Variants in LRRTM4 observed in about 807,000 individuals in gnomAD.
LRRTM4 encodes leucine rich repeat transmembrane neuronal 4.
LRRTM4 carries 25 observed loss-of-function variants against 47.6 expected under a neutral mutation model. The ratio of observed to expected loss-of-function variants is 0.53; its 90% CI spans 0.38 to 0.73. LRRTM4 has a LOEUF of 0.73. Among genes scored for constraint, LRRTM4 ranks in the 30% least tolerant of loss-of-function variants. LRRTM4 has a pLI of 0.00. For synonymous variants in LRRTM4, 311 were observed against 269.5 expected (o/e 1.15, Z -1.51); for missense variants, 638 against 713.4 (o/e 0.89, Z 1.20).
At chr2:77,484,625 G>C (rs958638610) in intron 3 of LRRTM4, among the ~76,000 whole-genome samples, 1 of 152,080 alleles carries the variant, frequency 6.6e-6, no homozygotes, top group African/African-American at 2.4e-5. Context: ...TTGTTTAAAT[G>C]CATAATTATG....
intron 3 of LRRTM4, among the ~76,000 whole-genome samples, chr2:77,093,714 G>A (rs1414623042): frequency 1.3e-5 from 2 of 151,972 alleles, no homozygotes; most frequent in East Asian, 3.9e-4. Context: ...CCTGTGACTT[G>A]CACATATACG....
chr2:76,781,807 T>TC (rs1208885664), intron 3 of LRRTM4, among the ~76,000 whole-genome samples: 1 of 152,186 alleles, frequency 6.6e-6, no homozygotes, highest in African/African-American at 2.4e-5. Context: ...CTATTTTTTT[T>TC]CCTGAAGAGG....
intron 3 of LRRTM4, among the ~76,000 whole-genome samples, chr2:77,311,575 G>A (rs1436743233): frequency 6.6e-6 from 1 of 152,146 alleles, no homozygotes; most frequent in East Asian, 1.9e-4. Flanking sequence ...CAGTCAAATG[G>A]GTTAAAATTT....
intron 3 of LRRTM4, among the ~76,000 whole-genome samples, chr2:77,205,419 A>T (rs993404025): frequency 4.6e-5 from 7 of 152,302 alleles, no homozygotes; most frequent in Admixed American, 4.6e-4. Context: ...TGGCCTGAGG[A>T]CATGGCATCT....
intron 3 of LRRTM4, among the ~76,000 whole-genome samples, chr2:77,306,900 T>A (rs978152426): frequency 5.2e-5 from 7 of 134,982 alleles, no homozygotes; most frequent in African/African-American, 2.0e-4. Flanking sequence ...TTTCCATATT[T>A]TTTTTTTTTT....
At chr2:76,892,390 A>G (rs1673283157) in intron 3 of LRRTM4, among the ~76,000 whole-genome samples, 1 of 151,760 alleles carries the variant, frequency 6.6e-6, no homozygotes, top group African/African-American at 2.4e-5. Flanking sequence ...CAACATAAAT[A>G]ATTACTATTA....
At chr2:77,335,886 CT>C (rs1671144080) in intron 3 of LRRTM4, among the ~76,000 whole-genome samples, 2 of 152,074 alleles carry the variant, frequency 1.3e-5, no homozygotes, top group African/African-American at 4.8e-5. Context: ...ATATTGTAGG[CT>C]TCATGGACCA....
At chr2:76,841,277 G>C (rs1671668006) in intron 3 of LRRTM4, among the ~76,000 whole-genome samples, 1 of 151,092 alleles carries the variant, frequency 6.6e-6, no homozygotes, top group South Asian at 2.1e-4. Flanking sequence ...GACTGTTGTG[G>C]GGTGGGGGGA....
chr2:77,249,338 A>G (rs1018134830), intron 3 of LRRTM4, among the ~76,000 whole-genome samples: 3 of 152,120 alleles, frequency 2.0e-5, no homozygotes, highest in Admixed American at 2.0e-4. Flanking sequence ...TGACAATAGC[A>G]AAACTCCATC....
intron 3 of LRRTM4, among the ~76,000 whole-genome samples, chr2:77,418,847 C>T (rs999953837): frequency 6.6e-6 from 1 of 152,158 alleles, no homozygotes; most frequent in South Asian, 2.1e-4. Context: ...CATCTGTGTA[C>T]TCCTTCTCCT....
At chr2:76,963,540 T>C (rs1326592701) in intron 3 of LRRTM4, among the ~76,000 whole-genome samples, 1 of 151,002 alleles carries the variant, frequency 6.6e-6, no homozygotes, top group Non-Finnish European at 1.5e-5. Context: ...TTCAAATTAA[T>C]AAACAATGAA....
At chr2:77,066,781 A>G (rs1189425138) in intron 3 of LRRTM4, among the ~76,000 whole-genome samples, 1 of 152,260 alleles carries the variant, frequency 6.6e-6, no homozygotes, top group East Asian at 1.9e-4. Context: ...TTGACATTTT[A>G]TAAAACAGAA....
At position 76,920,588 on chromosome 2, in the gene LRRTM4, T is replaced by C. The variant is rs1367360491; in HGVS notation, c.1552-171672A>G. ...TTAATGACATTCAAAGGTTGTCAAC[T>C]TGATTTATTTGTAATTTGGGAGACT... On this transcript the variant is annotated intron_variant, in intron 3 of 3. Coordinates refer to ENST00000409884, the MANE Select transcript of LRRTM4 (RefSeq NM_001134745.3). Among the ~76,000 whole-genome samples the C allele has an allele frequency of 2.6e-5, 4 of 152,110 alleles. No individual in the cohort carries two copies. The East Asian group carries it at 5.8e-4, about 22-fold the overall frequency.
At chr2:76,794,214 T>C (rs766236983) in intron 3 of LRRTM4, among the ~76,000 whole-genome samples, 31 of 152,314 alleles carry the variant, frequency 2.0e-4, no homozygotes, top group Admixed American at 1.2e-3. Flanking sequence ...TTATAGCTTA[T>C]TGAATCAGAC....
At chr2:76,938,840 C>G (rs1480397547) in intron 3 of LRRTM4, among the ~76,000 whole-genome samples, 1 of 151,968 alleles carries the variant, frequency 6.6e-6, no homozygotes. Context: ...TTATTCATGT[C>G]TTATGTAAAA....
intron 3 of LRRTM4, among the ~76,000 whole-genome samples, chr2:77,135,562 T>C (rs1671913397): frequency 6.6e-6 from 1 of 152,214 alleles, no homozygotes; most frequent in Admixed American, 6.5e-5. Context: ...AGAAAGTAAA[T>C]GCAATATTTA....
intron 3 of LRRTM4, among the ~76,000 whole-genome samples, chr2:76,901,109 C>T (rs1016783260): frequency 1.3e-5 from 2 of 151,946 alleles, no homozygotes; most frequent in African/African-American, 2.4e-5. Context: ...CATTGGTAAA[C>T]GTATACCATG....
intron 3 of LRRTM4, among the ~76,000 whole-genome samples, chr2:77,139,110 C>G (rs1482307724): frequency 6.6e-6 from 1 of 152,114 alleles, no homozygotes; most frequent in East Asian, 1.9e-4. Context: ...GGAATCCTCC[C>G]TAACACATTT....
At chr2:76,796,774 G>T (rs543237401) in intron 3 of LRRTM4, among the ~76,000 whole-genome samples, 1 of 151,978 alleles carries the variant, frequency 6.6e-6, no homozygotes, top group African/African-American at 2.4e-5. Context: ...CCAAAGGAAC[G>T]CAGTTCCTCA....
Sources: gnomAD v4.1 joint callset for allele counts (sites outside exome capture counted in the v4.1 genomes callset) on GRCh38, gnomAD v4.1.1 for gene constraint, MANE v1.5 for transcripts, NCBI Gene and HGNC (gene_info 2026-07-23, HGNC 2026-07-21) for gene names.